Variants in SCN8A observed in about 807,000 individuals in gnomAD.
SCN8A encodes the protein sodium voltage-gated channel alpha subunit 8, also known as sodium channel protein type 8 subunit alpha.
A neutral mutation model predicts 184.1 loss-of-function variants in SCN8A; 30 were observed. The observed-to-expected ratio is 0.16, with a 90% CI of 0.12 to 0.22. The LOEUF (loss-of-function observed/expected upper bound fraction) is 0.22. SCN8A is among the 10% of genes least tolerant of loss of function. The pLI, the probability that SCN8A is intolerant of heterozygous loss-of-function variation, is 1.00. For synonymous variants in SCN8A, 852 were observed against 907.0 expected (o/e 0.94, Z 1.09); for missense variants, 1,057 against 2,498.9 (o/e 0.42, Z 12.30).
intron 1 of SCN8A, among the ~76,000 whole-genome samples, chr12:51,596,784 C>G (rs1235029911): frequency 6.6e-6 from 1 of 152,140 alleles, no homozygotes; most frequent in Admixed American, 6.5e-5. Context: ...AAGGTCATAT[C>G]TTGGTGTCTG....
At chr12:51,719,630 G>A (rs1023607335) in intron 11 of SCN8A, among the ~76,000 whole-genome samples, 3 of 84,820 alleles carry the variant, frequency 3.5e-5, no homozygotes, top group African/African-American at 4.9e-5. Context: ...CCAGGAGTTC[G>A]AGATCAGCCT....
chr12:51,672,241 A>G (rs1238064403), intron 2 of SCN8A, among the ~76,000 whole-genome samples: 2 of 152,030 alleles, frequency 1.3e-5, no homozygotes, highest in Admixed American at 6.6e-5. Flanking sequence ...CCACATACAC[A>G]TATCTACCCA....
chr12:51,695,325 G>T (rs1941575126), intron 6 of SCN8A, among the ~76,000 whole-genome samples: 1 of 152,184 alleles, frequency 6.6e-6, no homozygotes. Context: ...TCAAAGCTGA[G>T]GCTTGAAAAA....
intron 11 of SCN8A, among the ~76,000 whole-genome samples, chr12:51,721,106 T>TATATATATATATATATAA (rs1179556945): frequency 9.4e-5 from 10 of 106,102 alleles, no homozygotes; most frequent in African/African-American, 3.9e-4. Flanking sequence ...TATATATATA[T>TATATATATATATATATAA]AATATTTATT....
At chr12:51,615,074 G>GGGT (rs1407829851) in intron 1 of SCN8A, among the ~76,000 whole-genome samples, 6 of 151,768 alleles carry the variant, frequency 4.0e-5, no homozygotes, top group Middle Eastern at 3.4e-3. Flanking sequence ...TAATATGTTT[G>GGGT]GGTGGTCTGT....
chr12:51,766,140 AT>A, intron 16 of SCN8A, 113 bp downstream of exon 16: 1 of 879,740 alleles, frequency 1.1e-6, no homozygotes, highest in African/African-American at 1.6e-5. Context: ...ATGTTTGTTG[AT>A]TTTTATTCTT....
rs530858504 is a variant in SCN8A at position 51,775,751 on chromosome 12, A to G, written c.3819+1389A>G. On this transcript the variant is annotated intron_variant, in intron 20 of 26. Transcript: ENST00000627620. Reference sequence around the variant, plus strand: ...AAGTGCCATAGAGTCTTCATTTCACAATAGCTCCTCAGGACTACCTGGCGT... The same window carrying G: ...AAGTGCCATAGAGTCTTCATTTCACGATAGCTCCTCAGGACTACCTGGCGT... 2.0e-3 allele frequency among the ~76,000 whole-genome samples: 305 copies of G among 152,274 alleles called. 1 individual carries two copies. The highest frequency in any genetic ancestry group is 7.0e-3 in the African/African-American group (289 of 41,548).
In SCN8A at chr12:51,663,049, G is replaced by T. The variant is rs746834655; in HGVS notation, c.232G>T (p.Ala78Ser). The T allele has an allele frequency of 6.2e-7, 1 of 1,613,926 alleles. No homozygotes were observed. The change falls in exon 2 of 27, where the codon GCA becomes TCA. Residue 78 changes from alanine (A) to serine (S), a missense_variant. Ala to Ser is a moderately conservative substitution (Grantham distance 99). This residue lies in a region of SCN8A where 66 missense variants were observed against 276.4 expected (regional missense o/e 0.24). Transcript: ENST00000627620. ...IYGDIPQGLVAVPLEDFDPYY... is the reference protein window; with the variant it reads ...IYGDIPQGLVSVPLEDFDPYY... Reference sequence around the variant, plus strand: ...CGGGGACATCCCCCAAGGCCTGGTTGCAGTTCCCCTGGAGGACTTTGACCC... The same window carrying T: ...CGGGGACATCCCCCAAGGCCTGGTTTCAGTTCCCCTGGAGGACTTTGACCC...
At chr12:51,623,191 A>G (rs933973777) in intron 1 of SCN8A, among the ~76,000 whole-genome samples, 17 of 152,326 alleles carry the variant, frequency 1.1e-4, no homozygotes, top group Non-Finnish European at 1.9e-4. Context: ...AGTTCTGAGC[A>G]TTGGGTTGCA....
At position 51,807,244 on chromosome 12, in the gene SCN8A, A is replaced by C. The variant is rs2138944655; in HGVS notation, c.5758A>C (p.Thr1920Pro). 6.2e-7 allele frequency: 1 copy of C among 1,614,010 alleles called. No individual in the cohort carries two copies. ...LARRGFICKK[T>P]TSNKLENGGT... is the part of the protein sequence containing the mutation. ...AAGGCGGGGCTTCATCTGCAAAAAGACAACTTCTAATAAGCTGGAGAATGG... is the reference window on the plus strand; with the variant it reads ...AAGGCGGGGCTTCATCTGCAAAAAGCCAACTTCTAATAAGCTGGAGAATGG... Residue 1920 changes from threonine (T) to proline (P), a missense_variant, in exon 27 of 27, where the codon ACA becomes CCA. Physicochemically the swap from Thr to Pro is conservative, Grantham distance 38. This residue lies in a region of SCN8A where 95 missense variants were observed against 140.2 expected (regional missense o/e 0.68). Transcript: ENST00000627620. The surrounding 1 kb of genome is among the most constrained non-coding windows in gnomAD (Gnocchi z 4.5).
chr12:51,766,150 T>C, intron 16 of SCN8A, 123 bp downstream of exon 16: 1 of 833,870 alleles, frequency 1.2e-6, no homozygotes, highest in Non-Finnish European at 2.0e-6. Flanking sequence ...ATTTTTATTC[T>C]TTCTTGGCCC....
intron 26 of SCN8A, among the ~76,000 whole-genome samples, chr12:51,802,834 C>T (rs896205672): frequency 6.6e-6 from 1 of 152,212 alleles, no homozygotes; most frequent in African/African-American, 2.4e-5. Context: ...CTAAACAGTT[C>T]ACACCAGGGA....
chr12:51,721,437 G>A, intron 11 of SCN8A, 109 bp from the exon 12 acceptor site: 1 of 1,131,076 alleles, frequency 8.8e-7, no homozygotes, highest in Non-Finnish European at 1.2e-6. Flanking sequence ...CTGATCACAG[G>A]AGTGCGAGGG....
intron 16 of SCN8A, among the ~76,000 whole-genome samples, chr12:51,766,737 A>G (rs1281705581): frequency 1.1e-4 from 17 of 152,228 alleles, no homozygotes; most frequent in Admixed American, 1.1e-3. Context: ...GTGTGATCTG[A>G]GGACTAGCAG....
chr12:51,777,008 T>C (rs1937724716), intron 20 of SCN8A, among the ~76,000 whole-genome samples: 2 of 152,204 alleles, frequency 1.3e-5, no homozygotes, highest in African/African-American at 2.4e-5. Flanking sequence ...CTTGGCTGCA[T>C]TGGAGATTGT....
At chr12:51,611,696 A>G (rs980506965) in intron 1 of SCN8A, among the ~76,000 whole-genome samples, 6 of 151,656 alleles carry the variant, frequency 4.0e-5, no homozygotes, top group Admixed American at 2.0e-4. Context: ...GTTTCACCAC[A>G]TTGGTCAGGC....
chr12:51,789,678 G>A (rs1307680859), intron 24 of SCN8A, among the ~76,000 whole-genome samples: 1 of 152,198 alleles, frequency 6.6e-6, no homozygotes, highest in African/African-American at 2.4e-5. Context: ...CCCACCAGAA[G>A]CAGGTAGGTC....
At position 51,624,796 on chromosome 12, in the gene SCN8A, G is replaced by A. The variant is rs372376961; in HGVS notation, c.-55+33437G>A. Among the ~76,000 whole-genome samples, 28 of 152,202 alleles carry A rather than the reference G, an allele frequency of 1.8e-4. No individual in the cohort carries two copies. The East Asian group carries it at 4.8e-3, about 26-fold the overall frequency. On this transcript the variant is annotated intron_variant, in intron 1 of 26. Transcript: ENST00000627620. ...TCTTGAATTAATTTTTGTATAAGGT[G>A]TAAGGAAGGGATCCAGTTTCAGCTT...
rs183148015 is a variant in SCN8A at position 51,724,133 on chromosome 12, C to A, written c.1998+2225C>A. On this transcript the variant is annotated intron_variant, in intron 12 of 26. Coordinates refer to ENST00000627620, the MANE Select transcript of SCN8A (RefSeq NM_001330260.2). ...TGGTTTCTCTTTAGATTGTATAAATCTTTCACTTTTTACAACAATAATAAA... is the reference window on the plus strand; with the variant it reads ...TGGTTTCTCTTTAGATTGTATAAATATTTCACTTTTTACAACAATAATAAA... 3.8e-3 allele frequency among the ~76,000 whole-genome samples: 584 copies of A among 152,262 alleles called. 7 individuals are homozygous for A. Among genetic ancestry groups the A allele is most frequent in the African/African-American group, 0.013 (547 of 41,562 alleles).
Sources: gnomAD v4.1 joint callset for allele counts (sites outside exome capture counted in the v4.1 genomes callset) on GRCh38, gnomAD v4.1.1 for gene constraint, gnomAD v4.1.1 regional missense constraint, Gnocchi (gnomAD v3.1) non-coding constraint, MANE v1.5 for transcripts, NCBI Gene and HGNC (gene_info 2026-07-23, HGNC 2026-07-21) for gene names.